ZNF320: variants seen among roughly 807,000 people sequenced by gnomAD.
The protein encoded by ZNF320 is zinc finger protein 320.
Under a neutral mutation model 6.8 loss-of-function variants are expected in ZNF320, and 2 were observed. That is an observed-to-expected ratio of 0.29 (90% CI 0.12 to 0.93). ZNF320 has a LOEUF of 0.93. Ranked by LOEUF, ZNF320 falls within the 40% of genes least tolerant of loss-of-function variation. ZNF320 has a pLI of 0.55. For synonymous variants in ZNF320, 208 were observed against 203.2 expected, an observed-to-expected ratio of 1.02 and a Z score of -0.20; for missense variants, 472 against 611.0, an observed-to-expected ratio of 0.77 and a Z score of 2.40.
At chr19:52,894,390 A>C (rs60158255) in intron 1 of ZNF320, among the ~76,000 whole-genome samples, 31,845 of 150,658 alleles carry the variant, frequency 0.21, 3,691 homozygotes, top group South Asian at 0.3. Flanking sequence ...TCAAAAAAAA[A>C]AAAAAAACCA....
Position 52,890,277 on chromosome 19 carries a change from CT to C in ZNF320, c.-23del. On this transcript the variant is annotated 5_prime_UTR_variant, in exon 4 of 6. Transcript: ENST00000682928. ...CCATCCCCGACTCCTTTGCTTTCCT[CT>C]TCCTCTTCTGGGTTTCTTCCTCAGG... 1 of 1,606,264 alleles carries C rather than the reference CT, an allele frequency of 6.2e-7. No homozygotes were observed. The highest frequency in any genetic ancestry group is 1.1e-5 in the South Asian group (1 of 91,062).
upstream of ZNF320, among the ~76,000 whole-genome samples, chr19:52,901,121 A>C (rs2064569973): frequency 6.6e-6 from 1 of 152,214 alleles, no homozygotes; most frequent in African/African-American, 2.4e-5. Flanking sequence ...TGGGAGGCTT[A>C]AAATGGGTTA....
downstream of ZNF320, among the ~76,000 whole-genome samples, chr19:52,872,080 G>A (rs1340453981): frequency 1.3e-5 from 2 of 152,134 alleles, no homozygotes; most frequent in Admixed American, 1.3e-4. Context: ...CTGGCTCCTT[G>A]AGAGGCTAAT....
chr19:52,865,387 TC>T, intron 5 of ZNF320: 1 of 311,212 alleles, frequency 3.2e-6, no homozygotes, highest in Non-Finnish European at 6.3e-6. Context: ...CCTGTAGTTC[TC>T]CCAAATCACG....
At chr19:52,865,967 T>C (rs2063555363) in intron 5 of ZNF320, among the ~76,000 whole-genome samples, 1 of 126,772 alleles carries the variant, frequency 7.9e-6, no homozygotes, top group South Asian at 2.2e-4. Flanking sequence ...TATATATTTA[T>C]ATATTATACA....
Position 52,881,509 on chromosome 19 carries a change from T to A in ZNF320, c.617A>T (p.Lys206Ile), listed in dbSNP as rs2147816762. Residue 206 changes from lysine to isoleucine, a missense_variant, in exon 6 of 6, where the codon AAA becomes ATA. Physicochemically the swap from Lys to Ile is moderately radical, Grantham distance 102. Coordinates refer to ENST00000682928, the MANE Select transcript of ZNF320 (RefSeq NM_001351774.2). The stretch of plus-strand genomic sequence containing the variant: ...GTCTCCCCTGTGAATTCTAGTATGT[T>A]TTGCCAGGTGTGAATCATGCTTAAA... ...KAFKHDSHLA[K>I]HTRIHRGDKH... The A allele has an allele frequency of 6.2e-7, 1 of 1,614,108 alleles. No homozygotes were observed. The highest frequency in any genetic ancestry group is 1.3e-5 in the African/African-American group (1 of 75,032).
At chr19:52,899,445 C>T (rs1021555618), upstream of ZNF320, among the ~76,000 whole-genome samples, 2 of 152,104 alleles carry the variant, frequency 1.3e-5, no homozygotes, top group Non-Finnish European at 2.9e-5. Context: ...GAGAGCTAGT[C>T]TATTTTGATA....
chr19:52,879,158 T>C lies in ZNF320; in HGVS notation c.*1438A>G, dbSNP rs886765153. 1.3e-5 allele frequency: 2 copies of C among 152,274 alleles called. No homozygotes were observed. Among genetic ancestry groups the C allele is most frequent in the African/African-American group, 2.4e-5 (1 of 41,460 alleles). The allele number at this position is 152,274 out of a possible 1,614,324, so 9.4% of individuals were successfully genotyped here. On this transcript the variant is annotated 3_prime_UTR_variant, in exon 6 of 6. Transcript: ENST00000682928. The stretch of plus-strand genomic sequence containing the variant: ...TTATCTTGGTGCAAAAAATGTGATA[T>C]CATGCACAATTTTCTCATAATATGT...
intron 5 of ZNF320, among the ~76,000 whole-genome samples, chr19:52,886,343 C>T (rs1344540288): frequency 6.6e-6 from 1 of 152,110 alleles, no homozygotes; most frequent in South Asian, 2.1e-4. Flanking sequence ...TCATGCTACC[C>T]AGGCTGGTTC....
chr19:52,865,808 TATATG>T (rs2063549020), intron 5 of ZNF320, among the ~76,000 whole-genome samples: 2 of 124,378 alleles, frequency 1.6e-5, no homozygotes, highest in Non-Finnish European at 3.1e-5. Flanking sequence ...TATATTTATA[TATATG>T]ATTATACACA....
At chr19:52,861,735 G>A in exon 6 of ZNF320, 1 of 276,960 alleles carries the variant, frequency 3.6e-6, no homozygotes, top group South Asian at 4.7e-5. Context: ...ATGCTTGATG[G>A]TTTGCTATAC....
upstream of ZNF320, among the ~76,000 whole-genome samples, chr19:52,899,028 T>A (rs1161176253): frequency 1.3e-5 from 2 of 152,228 alleles, no homozygotes; most frequent in Non-Finnish European, 2.9e-5. Flanking sequence ...CACTTTTTAT[T>A]AGTGGGAGTT....
At chr19:52,867,071 A>C (rs1421160912) in intron 5 of ZNF320, among the ~76,000 whole-genome samples, 1 of 152,118 alleles carries the variant, frequency 6.6e-6, no homozygotes, top group Non-Finnish European at 1.5e-5. Flanking sequence ...GGATCAGAGA[A>C]AACATAGTAT....
chr19:52,873,167 C>G (rs1373157562), downstream of ZNF320, among the ~76,000 whole-genome samples: 1 of 152,052 alleles, frequency 6.6e-6, no homozygotes, highest in Non-Finnish European at 1.5e-5. Context: ...TGCAAAGAGG[C>G]CTTTCTCTTT....
chr19:52,888,066 A>G, intron 5 of ZNF320, 61 bp downstream of exon 5: 1 of 1,603,536 alleles, frequency 6.2e-7, no homozygotes, highest in South Asian at 1.1e-5. Context: ...CAAGAGAAAC[A>G]AGAGAAAATA....
chr19:52,891,309 G>T lies in ZNF320; in HGVS notation c.-154C>A, dbSNP rs67704458. ...CAGAGGTTGCAGTGAGCCAAGATCA[G>T]GAGACTGCACTCACAGCCTGAAGGA... On this transcript the variant is annotated 5_prime_UTR_variant, in exon 3 of 6. In the 5' UTR this introduces an upstream ATG that the reference lacks. Coordinates refer to ENST00000682928, the MANE Select transcript of ZNF320 (RefSeq NM_001351774.2). 0.26 allele frequency: 38,930 copies of T among 151,620 alleles called. 5,499 individuals are homozygous for T. The highest frequency in any genetic ancestry group is 0.38 in the African/African-American group (15,810 of 41,258). 9.4% of individuals were successfully genotyped at this position (151,620 alleles called of 1,614,324 possible). A position where few individuals can be genotyped will look rare whatever the true frequency, so the allele number is the denominator to read the frequency against.
chr19:52,897,912 G>A (rs1414762958), upstream of ZNF320, among the ~76,000 whole-genome samples: 1 of 152,196 alleles, frequency 6.6e-6, no homozygotes, highest in Admixed American at 6.5e-5. Context: ...CCTCCATCTC[G>A]CTCTCTGCGC....
chr19:52,870,592 T>C (rs1167869740), intron 5 of ZNF320, among the ~76,000 whole-genome samples: 1 of 152,066 alleles, frequency 6.6e-6, no homozygotes, highest in African/African-American at 2.4e-5. Context: ...CATCCATGTA[T>C]TTATGCACAC....
At chr19:52,890,145 G>A in intron 4 of ZNF320, 96 bp downstream of exon 4, 3 of 1,537,676 alleles carry the variant, frequency 2.0e-6, no homozygotes, top group Non-Finnish European at 2.7e-6. Context: ...AACCTGTCAG[G>A]CAGGATGCTT....
Sources: allele counts gnomAD v4.1 joint callset (sites outside exome capture counted in the v4.1 genomes callset), GRCh38; gene constraint gnomAD v4.1.1; transcripts MANE v1.5; gene names NCBI Gene and HGNC (gene_info 2026-07-23, HGNC 2026-07-21).